GSDME: variants seen among roughly 807,000 people sequenced by gnomAD.
GSDME encodes gasdermin-E.
Under a neutral mutation model 47.5 loss-of-function variants are expected in GSDME, and 44 were observed. That is an observed-to-expected ratio of 0.93 (90% CI 0.73 to 1.19). The LOEUF (loss-of-function observed/expected upper bound fraction) is 1.19, where lower values mean the gene tolerates loss of function less well. GSDME is among the 50% of genes most tolerant of loss of function. The pLI is 0.00. For missense variants in GSDME, 663 were observed against 604.2 expected (o/e 1.10, Z -1.02); for synonymous variants, 258 against 252.8 (o/e 1.02, Z -0.20).
intron 3 of GSDME, among the ~76,000 whole-genome samples, chr7:24,720,797 C>T (rs542033073): frequency 9.2e-5 from 14 of 152,230 alleles, no homozygotes; most frequent in Non-Finnish European, 1.8e-4. Context: ...ATCCCAGCTA[C>T]TCAGCAGGCT....
the GSDME span, among the ~76,000 whole-genome samples, chr7:24,785,165 T>G: frequency 3.3e-5 from 5 of 152,190 alleles, no homozygotes; most frequent in African/African-American, 1.2e-4. Context: ...CGCCCATTCA[T>G]GTACTTATTG....
At position 24,728,035 on chromosome 7, in the gene GSDME, A is replaced by G. The variant is rs1309613927; in HGVS notation, c.405-8817T>C. Among the ~76,000 whole-genome samples, 1 of 152,198 alleles carries G rather than the reference A, an allele frequency of 6.6e-6. No homozygotes were observed. Among genetic ancestry groups the G allele is most frequent in the Non-Finnish European group, 1.5e-5 (1 of 68,030 alleles). ...CTAGGGGGGCTGTAACGGGAGGAAG[A>G]GACAGGGTGCACCCAGCCCTGCCAA... On this transcript the variant is annotated intron_variant, in intron 3 of 9. Coordinates refer to ENST00000645220, the MANE Select transcript of GSDME (RefSeq NM_001127453.2). The surrounding 1 kb of genome is among the most constrained non-coding windows in gnomAD (Gnocchi z 7.2).
At chr7:24,704,704 T>C (rs1479034088) in intron 8 of GSDME, 2 of 151,926 alleles carry the variant, frequency 1.3e-5, no homozygotes, top group Non-Finnish European at 2.9e-5. Flanking sequence ...GCCTGCTGCC[T>C]GCGTGCAAGC....
rs1326993688 is a variant in GSDME, at chr7:24,726,849, A to T, written c.405-7631T>A. On this transcript the variant is annotated intron_variant, in intron 3 of 9. Transcript: ENST00000645220. The surrounding 1 kb of genome is among the most constrained non-coding windows in gnomAD (Gnocchi z 5.6). The stretch of plus-strand genomic sequence containing the variant: ...CCAATGGCCTCGAGGAAGAGTTTCC[A>T]ATGGAAACCCTGGGGAGCCTGGTAA... 6.6e-6 allele frequency among the ~76,000 whole-genome samples: 1 copy of T among 151,430 alleles called. No individual in the cohort carries two copies. Among genetic ancestry groups the T allele is most frequent in the African/African-American group, 2.4e-5 (1 of 41,230 alleles).
Position 24,712,980 on chromosome 7 carries a change from T to C in GSDME, c.698-2592A>G, listed in dbSNP as rs1789413047. The stretch of plus-strand genomic sequence containing the variant: ...TTGTGGTGAGCCAAGATCGCACCAT[T>C]GTACTCCAGCCTGGGCAACAAGAGT... On this transcript the variant is annotated intron_variant, in intron 5 of 9. Transcript: ENST00000645220. This position sits in a 1 kb window ranked among gnomAD's most constrained non-coding sequence, Gnocchi z 4.4. Among the ~76,000 whole-genome samples, 1 of 149,762 alleles carries C rather than the reference T, an allele frequency of 6.7e-6. No homozygotes were observed. Among genetic ancestry groups the C allele is most frequent in the Non-Finnish European group, 1.5e-5 (1 of 67,792 alleles).
intron 3 of GSDME, among the ~76,000 whole-genome samples, chr7:24,730,617 C>G (rs1263426377): frequency 6.6e-6 from 1 of 152,084 alleles, no homozygotes; most frequent in African/African-American, 2.4e-5. Flanking sequence ...GAGTTCAAGA[C>G]CAGCCTGGCC....
the GSDME span, among the ~76,000 whole-genome samples, chr7:24,775,743 C>T: frequency 7.9e-5 from 12 of 151,644 alleles, no homozygotes; most frequent in Admixed American, 3.3e-4. Context: ...GGCGTGGTGG[C>T]GGGCACTTGT....
chr7:24,702,700 AC>A (rs1554321762), intron 9 of GSDME, 59 bp downstream of exon 9: 17 of 1,412,932 alleles, frequency 1.2e-5, no homozygotes, highest in Admixed American at 1.7e-5. Flanking sequence ...CTGGATGTCT[AC>A]CCCCTCATCA....
chr7:24,768,091 G>A, the GSDME span, among the ~76,000 whole-genome samples: 4 of 152,144 alleles, frequency 2.6e-5, no homozygotes, highest in Admixed American at 6.5e-5. This position sits in a 1 kb window ranked among gnomAD's most constrained non-coding sequence, Gnocchi z 5.6. Flanking sequence ...CTGGTTTTGT[G>A]GTCAGCACAG....
At chr7:24,783,278 A>C in the GSDME span, among the ~76,000 whole-genome samples, 3 of 152,208 alleles carry the variant, frequency 2.0e-5, no homozygotes, top group Admixed American at 6.5e-5. Context: ...GGCTTTATCA[A>C]GTACAAGATT....
rs370551706 is a variant in GSDME, at chr7:24,755,602, T to G, written c.-20+1794A>C. 9.8e-5 allele frequency among the ~76,000 whole-genome samples: 15 copies of G among 152,356 alleles called. 1 individual carries two copies. Among genetic ancestry groups the G allele is most frequent in the Admixed American group, 7.2e-4 (11 of 15,308 alleles). ...AAACCAACTTATTGAACTGACAGTG[T>G]GTTCCTGGAGGTCTTTGACTGGAGG... On this transcript the variant is annotated intron_variant, in intron 1 of 9. Transcript: ENST00000645220.
At chr7:24,792,417 C>A in the GSDME span, among the ~76,000 whole-genome samples, 1 of 152,146 alleles carries the variant, frequency 6.6e-6, no homozygotes, top group African/African-American at 2.4e-5. Flanking sequence ...TCCTAATTTA[C>A]TAATGCCTAG....
At chr7:24,769,376 C>T in the GSDME span, among the ~76,000 whole-genome samples, 1 of 152,216 alleles carries the variant, frequency 6.6e-6, no homozygotes. Flanking sequence ...ATCAGAAAAA[C>T]TCCCCTCATT....
chr7:24,783,752 C>A, the GSDME span, among the ~76,000 whole-genome samples: 1 of 151,652 alleles, frequency 6.6e-6, no homozygotes, highest in Non-Finnish European at 1.5e-5. Context: ...GCAGGGTGGG[C>A]AGGACTTAGT....
chr7:24,750,248 T>A (rs1383641388), intron 1 of GSDME, among the ~76,000 whole-genome samples: 1 of 152,206 alleles, frequency 6.6e-6, no homozygotes, highest in East Asian at 1.9e-4. Context: ...ACAAGGCAGA[T>A]CGTTTATAAC....
the GSDME span, among the ~76,000 whole-genome samples, chr7:24,765,747 C>A: frequency 1.3e-5 from 2 of 152,206 alleles, no homozygotes; most frequent in African/African-American, 4.8e-5. Flanking sequence ...TTTAATAGCA[C>A]CAAGTTAGAT....
At position 24,716,942 on chromosome 7, in the gene GSDME, G is replaced by A. The variant is rs746153855; in HGVS notation, c.697+312C>T. ...CATGGCACCGGGGTTGATGCCCAGT[G>A]TGTCTGATGCAGAGCCCAGGTTGAT... On this transcript the variant is annotated intron_variant, in intron 5 of 9. Coordinates refer to ENST00000645220, the MANE Select transcript of GSDME (RefSeq NM_001127453.2). The surrounding 1 kb of genome is among the most constrained non-coding windows in gnomAD (Gnocchi z 4.5). The A allele has an allele frequency of 2.9e-5, 12 of 407,234 alleles. No homozygotes were observed. Among genetic ancestry groups the A allele is most frequent in the Non-Finnish European group, 5.1e-5 (11 of 214,144 alleles). The allele number at this position is 407,234 out of a possible 1,614,324, so 25.2% of individuals were successfully genotyped here.
In GSDME at chr7:24,756,588, C is replaced by T. The variant is rs927716004; in HGVS notation, c.-20+808G>A. Among the ~76,000 whole-genome samples, 1 of 152,194 alleles carries T rather than the reference C, an allele frequency of 6.6e-6. No homozygotes were observed. The highest frequency in any genetic ancestry group is 2.4e-5 in the African/African-American group (1 of 41,444). Reference sequence around the variant, plus strand: ...CTGCCTGCGTCTCGAGGACAGCGACCGCAAGCCATCCATCCCTTTCATTAT... The same window carrying T: ...CTGCCTGCGTCTCGAGGACAGCGACTGCAAGCCATCCATCCCTTTCATTAT... On this transcript the variant is annotated intron_variant, in intron 1 of 9. Transcript: ENST00000645220. This position sits in a 1 kb window ranked among gnomAD's most constrained non-coding sequence, Gnocchi z 4.2.
chr7:24,703,749 C>CAGG (rs1407015159), intron 8 of GSDME: 1 of 152,528 alleles, frequency 6.6e-6, no homozygotes, highest in Admixed American at 6.5e-5. Flanking sequence ...GGGCAGCAGC[C>CAGG]AGGGGGATGC....
Sources: gnomAD v4.1 joint callset for allele counts (sites outside exome capture counted in the v4.1 genomes callset) on GRCh38, gnomAD v4.1.1 for gene constraint, Gnocchi (gnomAD v3.1) non-coding constraint, MANE v1.5 for transcripts, NCBI Gene and HGNC (gene_info 2026-07-23, HGNC 2026-07-21) for gene names.